CDH18: variants seen among roughly 807,000 people sequenced by gnomAD.
The protein encoded by CDH18 is cadherin-18.
CDH18 carries 31 observed loss-of-function variants against 67.9 expected under a neutral mutation model. The observed-to-expected ratio is 0.46, with a 90% CI of 0.34 to 0.62. The LOEUF (loss-of-function observed/expected upper bound fraction) is 0.62, where lower values mean the gene tolerates loss of function less well. Ranked by LOEUF, CDH18 falls within the 20% of genes least tolerant of loss-of-function variation. CDH18 has a pLI of 0.01. For missense variants in CDH18, 890 were observed against 975.5 expected (o/e 0.91, Z 1.17); for synonymous variants, 362 against 347.2 (o/e 1.04, Z -0.48).
At chr5:19,886,576 TC>T (rs1321509321) in intron 2 of CDH18, among the ~76,000 whole-genome samples, 2 of 152,202 alleles carry the variant, frequency 1.3e-5, no homozygotes, top group Non-Finnish European at 2.9e-5. Context: ...TCAATCTTTC[TC>T]TTTTGAGTAT....
intron 4 of CDH18, among the ~76,000 whole-genome samples, chr5:19,728,934 A>G (rs1392838838): frequency 6.6e-6 from 1 of 152,184 alleles, no homozygotes; most frequent in Non-Finnish European, 1.5e-5. Flanking sequence ...TCACCAACAG[A>G]CCAATAACAC....
chr5:20,139,071 C>G (rs562548697), intron 2 of CDH18, among the ~76,000 whole-genome samples: 2 of 152,258 alleles, frequency 1.3e-5, no homozygotes, highest in East Asian at 3.9e-4. Context: ...AACTATACTA[C>G]AAGGCTACAG....
chr5:20,560,546 TA>T (rs1197472382), intron 1 of CDH18, among the ~76,000 whole-genome samples: 1 of 146,748 alleles, frequency 6.8e-6, no homozygotes, highest in Non-Finnish European at 1.5e-5. Flanking sequence ...GACTCAAAGG[TA>T]ATTCAAGAGC....
intron 2 of CDH18, among the ~76,000 whole-genome samples, chr5:20,156,129 G>T (rs994108724): frequency 5.9e-5 from 9 of 152,074 alleles, no homozygotes; most frequent in Admixed American, 5.9e-4. Context: ...TATTCATTGT[G>T]GGTGAGAATG....
rs75307701 is a variant in CDH18, at chr5:20,132,820, T to C, written c.-518+122624A>G. ...TTGATATGCAAAAGTCATCAGGTTA[T>C]TATCATTGCTTTAAGCAAATTATTA... On this transcript the variant is annotated intron_variant, in intron 2 of 14. Transcript: ENST00000507958. Among the ~76,000 whole-genome samples, 385 of 152,334 alleles carry C rather than the reference T, an allele frequency of 2.5e-3. 1 individual carries two copies. Among genetic ancestry groups the C allele is most frequent in the African/African-American group, 8.7e-3 (363 of 41,586 alleles).
At chr5:20,177,735 T>C (rs758513959) in intron 2 of CDH18, among the ~76,000 whole-genome samples, 10 of 152,080 alleles carry the variant, frequency 6.6e-5, no homozygotes, top group Non-Finnish European at 1.2e-4. Flanking sequence ...TGGGAGATAA[T>C]TGAATCATGG....
chr5:20,432,113 CT>C (rs1177811554), intron 1 of CDH18, among the ~76,000 whole-genome samples: 2 of 152,044 alleles, frequency 1.3e-5, no homozygotes, highest in Non-Finnish European at 2.9e-5. Flanking sequence ...TGACAATATA[CT>C]GTTCTGAAAT....
intron 1 of CDH18, among the ~76,000 whole-genome samples, chr5:20,547,520 C>T (rs565888839): frequency 6.6e-6 from 1 of 150,428 alleles, no homozygotes; most frequent in African/African-American, 2.5e-5. Context: ...GAGATCGCAC[C>T]ATTGCACTCC....
At chr5:20,544,652 A>G (rs1217208658) in intron 1 of CDH18, among the ~76,000 whole-genome samples, 1 of 152,144 alleles carries the variant, frequency 6.6e-6, no homozygotes, top group Non-Finnish European at 1.5e-5. Flanking sequence ...TCACCAGAAC[A>G]GCATGGGGGA....
intron 3 of CDH18, among the ~76,000 whole-genome samples, chr5:19,755,427 G>GTATACATATA (rs1373982305): frequency 4.0e-4 from 18 of 44,660 alleles, no homozygotes; most frequent in African/African-American, 1.1e-3. Context: ...AACTAACAGG[G>GTATACATATA]TATGTATATA....
At chr5:20,396,430 C>T (rs1303138060) in intron 1 of CDH18, among the ~76,000 whole-genome samples, 2 of 151,300 alleles carry the variant, frequency 1.3e-5, no homozygotes, top group African/African-American at 4.9e-5. Flanking sequence ...TCACTTTCCA[C>T]ATATAATTTT....
intron 2 of CDH18, among the ~76,000 whole-genome samples, chr5:20,049,474 C>G (rs1368750892): frequency 6.6e-6 from 1 of 151,598 alleles, no homozygotes; most frequent in African/African-American, 2.4e-5. Context: ...ACCTATATAA[C>G]AAACATGCAC....
In CDH18 at chr5:20,292,392, A is replaced by G. The variant is rs79628991; in HGVS notation, c.-579-36887T>C. Among the ~76,000 whole-genome samples, 42 of 152,306 alleles carry G rather than the reference A, an allele frequency of 2.8e-4. 2 individuals carry two copies. The East Asian group carries it at 8.1e-3, about 30-fold the overall frequency. On this transcript the variant is annotated intron_variant, in intron 1 of 14. Transcript: ENST00000507958. Reference sequence around the variant, plus strand: ...GAGAGAAATGCCTTTGGTCAAAGATAAAGAGAATGATAGCTGAGTGTCCAG... The same window carrying G: ...GAGAGAAATGCCTTTGGTCAAAGATGAAGAGAATGATAGCTGAGTGTCCAG...
At chr5:19,875,185 T>G (rs1056799051) in intron 2 of CDH18, among the ~76,000 whole-genome samples, 2 of 152,220 alleles carry the variant, frequency 1.3e-5, no homozygotes, top group African/African-American at 4.8e-5. Context: ...ATATGGGAGA[T>G]GCTTACTACA....
intron 1 of CDH18, among the ~76,000 whole-genome samples, chr5:20,385,982 C>G (rs1009262548): frequency 1.3e-5 from 2 of 152,126 alleles, no homozygotes; most frequent in African/African-American, 4.8e-5. Flanking sequence ...GTAGTTGTTA[C>G]ACATAATTTA....
intron 2 of CDH18, among the ~76,000 whole-genome samples, chr5:20,135,510 T>C (rs1749631076): frequency 1.3e-5 from 2 of 152,200 alleles, no homozygotes; most frequent in Non-Finnish European, 2.9e-5. Context: ...ACTAGTGCTC[T>C]ATCAATTTTG....
In CDH18 at chr5:19,607,575, AAGG is replaced by A. The variant is rs1287240641; in HGVS notation, c.811+4856_811+4858del. On this transcript the variant is annotated intron_variant, in intron 6 of 12. Coordinates refer to ENST00000382275, the MANE Select transcript of CDH18 (RefSeq NM_004934.5). ...TCAAAGAATATGAGAGAGGGGAAAA[AAGG>A]AGAAGAAAAGATTAGCCAAATAGCA... Among the ~76,000 whole-genome samples the A allele has an allele frequency of 2.0e-5, 3 of 151,404 alleles. No individual in the cohort carries two copies. In the South Asian group the frequency reaches 6.2e-4, roughly 31 times the overall value.
chr5:19,512,187 C>T (rs1292008690), intron 10 of CDH18, among the ~76,000 whole-genome samples: 1 of 152,156 alleles, frequency 6.6e-6, no homozygotes, highest in Non-Finnish European at 1.5e-5. Flanking sequence ...TAGCATGGGA[C>T]TAGCAACCAT....
intron 3 of CDH18, among the ~76,000 whole-genome samples, chr5:19,763,354 G>C (rs915078335): frequency 2.4e-4 from 36 of 152,188 alleles, no homozygotes; most frequent in African/African-American, 8.7e-4. Flanking sequence ...AATATATCCT[G>C]AAAGTAGCAC....
Sources: gnomAD v4.1 joint callset for allele counts (sites outside exome capture counted in the v4.1 genomes callset) on GRCh38, gnomAD v4.1.1 for gene constraint, MANE v1.5 for transcripts, NCBI Gene and HGNC (gene_info 2026-07-23, HGNC 2026-07-21) for gene names.